The following C2orf68 variants were observed in gnomAD, a reference collection of about 807,000 sequenced individuals.
C2orf68 encodes the protein UPF0561 protein C2orf68.
A neutral mutation model predicts 19.1 loss-of-function variants in C2orf68; 15 were observed. The observed-to-expected ratio is 0.79, with a 90% CI of 0.53 to 1.21. The LOEUF is 1.21. Among genes scored for constraint, C2orf68 ranks in the 50% most tolerant of loss-of-function variants. C2orf68 has a pLI of 0.00. For synonymous variants in C2orf68, 98 were observed against 91.0 expected, an observed-to-expected ratio of 1.08 and a Z score of -0.44; for missense variants, 242 against 226.6, an observed-to-expected ratio of 1.07 and a Z score of -0.44.
chr2:85,612,019 A>ACGGCCCCAACAACAGCCAC lies in C2orf68; in HGVS notation c.-54_-36dup. 1 of 1,421,952 alleles carries ACGGCCCCAACAACAGCCAC rather than the reference A, an allele frequency of 7.0e-7. No homozygotes were observed. The highest frequency in any genetic ancestry group is 1.4e-5 in the South Asian group (1 of 73,212). The allele number at this position is 1,421,952 out of a possible 1,614,324, so 88.1% of individuals were successfully genotyped here. ...GGGACGCAGAGTCGCCGCCGCCTCG[A>ACGGCCCCAACAACAGCCAC]CGGCCCCAACAACAGCCACCCGCCC... On this transcript the variant is annotated 5_prime_UTR_variant, in exon 1 of 4. Transcript: ENST00000306336.
At chr2:85,609,128 C>T in intron 3 of C2orf68, 61 bp from the exon 4 acceptor site, 1 of 1,595,920 alleles carries the variant, frequency 6.3e-7, no homozygotes, top group Non-Finnish European at 8.6e-7. Context: ...GTGACCTGCC[C>T]TGTCCCTAAA....
At chr2:85,609,684 CA>C (rs1176715961) in intron 2 of C2orf68, 98 bp from the exon 3 acceptor site, 8 of 1,472,346 alleles carry the variant, frequency 5.4e-6, no homozygotes, top group Non-Finnish European at 7.3e-6. Context: ...AGGAAAGCCC[CA>C]GTCTTCTTTT....
intron 2 of C2orf68, 108 bp downstream of exon 2, chr2:85,611,560 G>T: frequency 6.4e-7 from 1 of 1,551,098 alleles, no homozygotes; most frequent in South Asian, 1.2e-5. Context: ...GGAAAGAGAC[G>T]AGATGAGCTG....
At chr2:85,609,185 G>A in intron 3 of C2orf68, 118 bp from the exon 4 acceptor site, 1 of 1,412,024 alleles carries the variant, frequency 7.1e-7, no homozygotes, top group South Asian at 1.3e-5. Context: ...GCCAGCACCT[G>A]TCATTTCCTA....
rs1044726920 is a variant in C2orf68, at chr2:85,606,690, C to T, written c.*2255G>A. ...AAAAAGTTTAATAGCAAGGAGTTTC[C>T]ATCAGTCCCGGTCTTTGTGAGGATT... On this transcript the variant is annotated 3_prime_UTR_variant, in exon 4 of 4. Transcript: ENST00000306336. 6.6e-6 allele frequency: 1 copy of T among 152,062 alleles called. No individual in the cohort carries two copies. The highest frequency in any genetic ancestry group is 2.4e-5 in the African/African-American group (1 of 41,398). 9.4% of individuals were successfully genotyped at this position (152,062 alleles called of 1,614,324 possible). A position where few individuals can be genotyped will look rare whatever the true frequency, so the allele number is the denominator to read the frequency against.
chr2:85,609,680 G>A (rs951794429), intron 2 of C2orf68, 94 bp from the exon 3 acceptor site: 5 of 1,480,066 alleles, frequency 3.4e-6, no homozygotes, highest in Non-Finnish European at 4.6e-6. Flanking sequence ...GGTTAGGAAA[G>A]CCCCAGTCTT....
intron 3 of C2orf68, 33 bp downstream of exon 3, chr2:85,609,402 C>T (rs1180418146): frequency 1.2e-6 from 2 of 1,609,464 alleles, no homozygotes; most frequent in East Asian, 4.5e-5. Flanking sequence ...TGGCCCAGGA[C>T]CTTCAGGCTG....
In C2orf68 at chr2:85,609,023, C is replaced by T. The variant is rs746075456; in HGVS notation, c.423G>A (p.Thr141=). ...GKVSEKVSAH[T]PLDPPMREAL... The stretch of plus-strand genomic sequence containing the variant: ...CTTCTCGCATGGGTGGATCCAGAGG[C>T]GTGTGTGCCGACACCTTCTCACTCA... The change falls in exon 4 of 4, where the codon ACG becomes ACA. Residue 141 remains threonine (T), a synonymous_variant. Coordinates refer to ENST00000306336, the MANE Select transcript of C2orf68 (RefSeq NM_001013649.4). 5.0e-6 allele frequency: 8 copies of T among 1,614,218 alleles called. No individual in the cohort carries two copies. Among genetic ancestry groups the T allele is most frequent in the Admixed American group, 1.7e-5 (1 of 60,024 alleles).
intron 2 of C2orf68, chr2:85,610,484 C>T (rs1558838988): frequency 6.6e-6 from 1 of 152,226 alleles, no homozygotes; most frequent in Non-Finnish European, 1.5e-5. Context: ...CAAATCCAGG[C>T]TCTGCCATTT....
At position 85,611,910 on chromosome 2, in the gene C2orf68, G is replaced by A. The variant is rs772594273; in HGVS notation, c.75C>T (p.Phe25=). 1.9e-6 allele frequency: 3 copies of A among 1,592,664 alleles called. No homozygotes were observed. The East Asian group carries it at 6.8e-5, about 36-fold the overall frequency. The change falls in exon 1 of 4, where the codon TTC becomes TTT. Residue 25 remains phenylalanine, a synonymous_variant. Transcript: ENST00000306336. The stretch of plus-strand genomic sequence containing the variant: ...TCTGGTTCCGTCGGATATGGTGCAC[G>A]AAGCCGTGGTTCATGTCCAGCCGCC... ...PGGRLDMNHG[F]VHHIRRNQIA...
chr2:85,611,638 G>A (rs1175781470), intron 2 of C2orf68, 30 bp downstream of exon 2: 2 of 1,565,770 alleles, frequency 1.3e-6, no homozygotes, highest in Non-Finnish European at 1.7e-6. Context: ...GAGCGCGCGG[G>A]CTGGAGGCAG....
At position 85,608,083 on chromosome 2, in the gene C2orf68, C is replaced by T. The variant is rs2104140093; in HGVS notation, c.*862G>A. The T allele has an allele frequency of 6.6e-6, 1 of 152,262 alleles. No homozygotes were observed. Among genetic ancestry groups the T allele is most frequent in the Non-Finnish European group, 1.5e-5 (1 of 68,028 alleles). 9.4% of individuals were successfully genotyped at this position (152,262 alleles called of 1,614,324 possible). On this transcript the variant is annotated 3_prime_UTR_variant, in exon 4 of 4. Transcript: ENST00000306336. ...TAAGTTCCCACTTGTTTATAATTCCCTTTTAGTCTGAGCAGAGGACAGTCT... is the reference window on the plus strand; with the variant it reads ...TAAGTTCCCACTTGTTTATAATTCCTTTTTAGTCTGAGCAGAGGACAGTCT...
Position 85,605,732 on chromosome 2 carries a change from C to T in C2orf68, c.*3213G>A, listed in dbSNP as rs940996509. On this transcript the variant is annotated 3_prime_UTR_variant, in exon 4 of 4. Coordinates refer to ENST00000306336, the MANE Select transcript of C2orf68 (RefSeq NM_001013649.4). ...ATCCATTACCTAGCCATTCAGAGAT[C>T]CTGTCAAATGCACAGCAGATTGGAT... Among the ~76,000 whole-genome samples, 2 of 152,152 alleles carry T rather than the reference C, an allele frequency of 1.3e-5. No individual in the cohort carries two copies. Among genetic ancestry groups the T allele is most frequent in the Admixed American group, 1.3e-4 (2 of 15,276 alleles).
rs767998112 is a variant in C2orf68 at position 85,609,477 on chromosome 2, G to T, written c.336C>A (p.Tyr112Ter). The T allele has an allele frequency of 6.2e-7, 1 of 1,614,212 alleles. No homozygotes were observed. Among genetic ancestry groups the T allele is most frequent in the Non-Finnish European group, 8.5e-7 (1 of 1,180,048 alleles). Residue 112 changes from tyrosine (Y) to a stop codon, truncating the protein, a stop_gained, in exon 3 of 4, where the codon TAC (tyrosine) becomes TAA (stop). Coordinates refer to ENST00000306336, the MANE Select transcript of C2orf68 (RefSeq NM_001013649.4). LOFTEE classifies it high-confidence loss of function. ...ATGTGACCTCTCCACTGTCTGCCTCGTATTCTAAGCAGAAGAGCTGATGGC... is the reference window on the plus strand; with the variant it reads ...ATGTGACCTCTCCACTGTCTGCCTCTTATTCTAAGCAGAAGAGCTGATGGC... ...PSGHQLFCLE[Y>*]EADSGEVTSV... is the part of the protein sequence containing the mutation.
At position 85,607,582 on chromosome 2, in the gene C2orf68, C is replaced by G. The variant is rs147830362; in HGVS notation, c.*1363G>C. ...TGGCATTGCGAGCTGTGACTTGACACATTTTAATGACAAGATTGAAGTAGC... is the reference window on the plus strand; with the variant it reads ...TGGCATTGCGAGCTGTGACTTGACAGATTTTAATGACAAGATTGAAGTAGC... On this transcript the variant is annotated 3_prime_UTR_variant, in exon 4 of 4. Transcript: ENST00000306336. 30 of 152,212 alleles carry G rather than the reference C, an allele frequency of 2.0e-4. No individual in the cohort carries two copies. Among genetic ancestry groups the G allele is most frequent in the Non-Finnish European group, 4.0e-4 (27 of 68,042 alleles). 9.4% of individuals were successfully genotyped at this position (152,212 alleles called of 1,614,324 possible).
intron 3 of C2orf68, 27 bp downstream of exon 3, chr2:85,609,408 G>A (rs1673357724): frequency 1.9e-6 from 3 of 1,610,960 alleles, no homozygotes; most frequent in Non-Finnish European, 2.5e-6. Context: ...AGGACCTTCA[G>A]GCTGCAGCTG....
chr2:85,611,717 C>G lies in C2orf68; in HGVS notation c.177G>C (p.Pro59=). Residue 59 remains proline (P), a synonymous_variant, in exon 2 of 4, where the codon CCG becomes CCC. Transcript: ENST00000306336. Reference sequence around the variant, plus strand: ...GCAGGTCTGGCTTGCGGGGCCGCGTCGGCGCGGGCGTGTGCCGCCTCCTCA... The same window carrying G: ...GCAGGTCTGGCTTGCGGGGCCGCGTGGGCGCGGGCGTGTGCCGCCTCCTCA... ...EKVRRRHTPA[P]TRPRKPDLQV... is the part of the protein sequence containing the mutation. 6.3e-7 allele frequency: 1 copy of G among 1,598,792 alleles called. No individual in the cohort carries two copies. The highest frequency in any genetic ancestry group is 8.5e-7 in the Non-Finnish European group (1 of 1,173,908).
Position 85,608,985 on chromosome 2 carries a change from C to A in C2orf68, c.461G>T (p.Arg154Leu). 1 of 1,614,210 alleles carries A rather than the reference C, an allele frequency of 6.2e-7. No homozygotes were observed. Among genetic ancestry groups the A allele is most frequent in the Non-Finnish European group, 8.5e-7 (1 of 1,180,054 alleles). ...DPPMREALKLRIQEEIAKRQS... is the reference protein window; with the variant it reads ...DPPMREALKLLIQEEIAKRQS... ...GCGCTTTGCAATCTCCTCCTGGATA[C>A]GCAACTTGAGGGCTTCTCGCATGGG... Residue 154 changes from arginine to leucine, a missense_variant, in exon 4 of 4, where the codon CGT becomes CTT. By Grantham distance (102) the Arg-to-Leu change is moderately radical. Transcript: ENST00000306336.
Position 85,609,033 on chromosome 2 carries a change from G to C in C2orf68, c.413C>G (p.Ser138Trp), listed in dbSNP as rs762514760. The C allele has an allele frequency of 1.2e-6, 2 of 1,614,168 alleles. No homozygotes were observed. Reference protein sequence around the residue: ...DDPGKVSEKVSAHTPLDPPMR... With the variant: ...DDPGKVSEKVWAHTPLDPPMR... ...GGGTGGATCCAGAGGCGTGTGTGCCGACACCTTCTCACTCACCTTTCCTGG... is the reference window on the plus strand; with the variant it reads ...GGGTGGATCCAGAGGCGTGTGTGCCCACACCTTCTCACTCACCTTTCCTGG... Residue 138 changes from serine to tryptophan, a missense_variant, in exon 4 of 4, where the codon TCG (serine) becomes TGG (tryptophan). Ser to Trp is a radical substitution (Grantham distance 177). Coordinates refer to ENST00000306336, the MANE Select transcript of C2orf68 (RefSeq NM_001013649.4).
Sources: gnomAD v4.1 joint callset for allele counts (sites outside exome capture counted in the v4.1 genomes callset) on GRCh38, gnomAD v4.1.1 for gene constraint, MANE v1.5 for transcripts, NCBI Gene and HGNC (gene_info 2026-07-23, HGNC 2026-07-21) for gene names.